TMIGD1: variants seen among roughly 807,000 people sequenced by gnomAD.
TMIGD1 encodes transmembrane and immunoglobulin domain containing 1, also known as transmembrane and immunoglobulin domain-containing protein 1.
Under a neutral mutation model 27.5 loss-of-function variants are expected in TMIGD1, and 29 were observed. The observed-to-expected ratio is 1.05, with a 90% CI of 0.78 to 1.44. The LOEUF is 1.44. Among genes scored for constraint, TMIGD1 ranks in the 40% most tolerant of loss-of-function variants. The probability of loss-of-function intolerance (pLI) is 0.00; values close to 1 mark genes in which losing one functional copy is unlikely to be tolerated. For synonymous variants in TMIGD1, 109 were observed against 110.3 expected (o/e 0.99, Z 0.07); for missense variants, 334 against 310.6 (o/e 1.08, Z -0.57).
chr17:30,319,277 T>G (rs1460747565), intron 4 of TMIGD1, among the ~76,000 whole-genome samples: 1 of 84,232 alleles, frequency 1.2e-5, no homozygotes, highest in South Asian at 3.4e-4. Flanking sequence ...TATATATATA[T>G]AGCTGGGCAT....
chr17:30,329,850 C>T (rs377224690), intron 2 of TMIGD1, among the ~76,000 whole-genome samples: 6 of 151,556 alleles, frequency 4.0e-5, no homozygotes, highest in Non-Finnish European at 8.8e-5. Flanking sequence ...GCGGGAGGAT[C>T]GCTTGAGCTC....
Position 30,329,376 on chromosome 17 carries a change from C to G in TMIGD1, c.236G>C (p.Gly79Ala). Residue 79 changes from glycine (G) to alanine (A), a missense_variant, in exon 3 of 7, where the codon GGA becomes GCA. Physicochemically the swap from Gly to Ala is moderately conservative, Grantham distance 60. Transcript: ENST00000328886. ...GACAGAGCTGGAATTGATTTTGTTT[C>G]CAGATTTCAAATCCACTCTCCCCTC... is the stretch of plus-strand genomic sequence containing the variant. ...REEGRVDLKSGNKINSSSVCV... is the reference protein window; with the variant it reads ...REEGRVDLKSANKINSSSVCV... 1 of 1,614,118 alleles carries G rather than the reference C, an allele frequency of 6.2e-7. No individual in the cohort carries two copies. Among genetic ancestry groups the G allele is most frequent in the South Asian group, 1.1e-5 (1 of 91,068 alleles).
chr17:30,316,567 T>C lies in TMIGD1; in HGVS notation c.*120A>G. The C allele has an allele frequency of 1.0e-6, 1 of 978,984 alleles. No individual in the cohort carries two copies. The highest frequency in any genetic ancestry group is 1.6e-5 in the African/African-American group (1 of 61,246). 60.6% of individuals were successfully genotyped at this position (978,984 alleles called of 1,614,324 possible). On this transcript the variant is annotated 3_prime_UTR_variant, in exon 7 of 7. Transcript: ENST00000328886. ...AGTCCTAACAACTACTGTTAAGTGA[T>C]TAATGAAACAGGAGTGACAGGAGTG... is the stretch of plus-strand genomic sequence containing the variant.
intron 3 of TMIGD1, among the ~76,000 whole-genome samples, chr17:30,327,046 A>ACACACC (rs1491402924): frequency 1.7e-5 from 1 of 58,786 alleles, no homozygotes; most frequent in African/African-American, 1.2e-4. Context: ...AATTAACTAT[A>ACACACC]CACACACACA....
intron 4 of TMIGD1, among the ~76,000 whole-genome samples, chr17:30,320,483 AT>A (rs1909583149): frequency 6.6e-6 from 1 of 152,230 alleles, no homozygotes; most frequent in Non-Finnish European, 1.5e-5. Flanking sequence ...AAATTAATCA[AT>A]GTTTAAGCAT....
At chr17:30,328,894 G>A (rs756695020) in intron 3 of TMIGD1, among the ~76,000 whole-genome samples, 53 of 150,674 alleles carry the variant, frequency 3.5e-4, no homozygotes, top group South Asian at 6.3e-4. Context: ...AACCCGGGAG[G>A]TGGAGGTTGC....
rs1909504665 is a variant in TMIGD1, at chr17:30,318,813, C to T, written c.741G>A (p.Met247Ile). The change falls in exon 5 of 7, where the codon ATG becomes ATA. Residue 247 changes from methionine (M) to isoleucine (I), a missense_variant. Physicochemically the swap from Met to Ile is conservative, Grantham distance 10 (BLOSUM62 1). Coordinates refer to ENST00000328886, the MANE Select transcript of TMIGD1 (RefSeq NM_206832.3). The part of the protein sequence containing the change: ...FGLIARRKKI[M>I]KLCMKDKDPH... ...ATAGCTCAGAATACTTAGATACCTT[C>T]ATTATTTTCTTTCTTCTAGCAATCA... is the stretch of plus-strand genomic sequence containing the variant. 6.2e-7 allele frequency: 1 copy of T among 1,607,414 alleles called. No homozygotes were observed. Among genetic ancestry groups the T allele is most frequent in the Admixed American group, 1.7e-5 (1 of 59,984 alleles).
intron 2 of TMIGD1, among the ~76,000 whole-genome samples, chr17:30,330,449 C>T (rs1251109374): frequency 1.3e-5 from 2 of 151,956 alleles, no homozygotes; most frequent in African/African-American, 4.8e-5. Context: ...AAACTTTAGG[C>T]AAAAAGGCAG....
chr17:30,326,713 T>C (rs1025990077), intron 3 of TMIGD1, among the ~76,000 whole-genome samples: 2 of 152,228 alleles, frequency 1.3e-5, no homozygotes, highest in Non-Finnish European at 2.9e-5. Flanking sequence ...TTTATGATCC[T>C]GTACATGTAT....
In TMIGD1 at chr17:30,322,088, A is replaced by C. The variant is rs150866784; in HGVS notation, c.640+2728T>G. 5.2e-3 allele frequency among the ~76,000 whole-genome samples: 796 copies of C among 152,208 alleles called. 10 individuals are homozygous for C. Among genetic ancestry groups the C allele is most frequent in the African/African-American group, 0.017 (721 of 41,528 alleles). The stretch of plus-strand genomic sequence containing the variant: ...AAGCAACCCTCCCGCTCGGTCTCCC[A>C]AAGTCCTGGGATTACAAGCATGAAC... On this transcript the variant is annotated intron_variant, in intron 4 of 6. Coordinates refer to ENST00000328886, the MANE Select transcript of TMIGD1 (RefSeq NM_206832.3).
Position 30,332,106 on chromosome 17 carries a change from G to A in TMIGD1, c.28C>T (p.Gln10Ter). 1 of 1,613,444 alleles carries A rather than the reference G, an allele frequency of 6.2e-7. No individual in the cohort carries two copies. Among genetic ancestry groups the A allele is most frequent in the Non-Finnish European group, 8.5e-7 (1 of 1,179,664 alleles). ...ACTAAGAGAAGAAATCTTCCCATTT[G>A]CATTATGACACTGCTCTTCCATGCC... MAWKSSVIM[Q>*]MGRFLLLVIL... Residue 10 changes from glutamine to a stop codon, truncating the protein, a stop_gained, in exon 2 of 7, where the codon CAA becomes TAA. Coordinates refer to ENST00000328886, the MANE Select transcript of TMIGD1 (RefSeq NM_206832.3). LOFTEE classifies it high-confidence loss of function.
At chr17:30,327,045 TACACAC>T (rs60346282) in intron 3 of TMIGD1, among the ~76,000 whole-genome samples, 82 of 146,586 alleles carry the variant, frequency 5.6e-4, no homozygotes, top group Admixed American at 1.2e-3. Context: ...CAATTAACTA[TACACAC>T]ACACACACAC....
chr17:30,326,919 TAACA>T (rs1909800102), intron 3 of TMIGD1, among the ~76,000 whole-genome samples: 1 of 152,192 alleles, frequency 6.6e-6, no homozygotes, highest in Admixed American at 6.5e-5. Context: ...CTGCTATTTA[TAACA>T]ATAATGGTCC....
At chr17:30,327,045 TAC>T (rs60346282) in intron 3 of TMIGD1, among the ~76,000 whole-genome samples, 5,538 of 146,158 alleles carry the variant, frequency 0.038, 205 homozygotes, top group African/African-American at 0.097. Flanking sequence ...CAATTAACTA[TAC>T]ACACACACAC....
chr17:30,332,429 C>G (rs1910011493), intron 1 of TMIGD1, among the ~76,000 whole-genome samples: 1 of 152,138 alleles, frequency 6.6e-6, no homozygotes, highest in African/African-American at 2.4e-5. Flanking sequence ...AAGATGAAAC[C>G]AGTCTTCCCT....
intron 3 of TMIGD1, among the ~76,000 whole-genome samples, chr17:30,326,756 G>T (rs2321706): frequency 1.3e-5 from 2 of 151,966 alleles, no homozygotes; most frequent in Non-Finnish European, 2.9e-5. Flanking sequence ...AGGAGAAATG[G>T]TGTGTCGTAA....
intron 2 of TMIGD1, among the ~76,000 whole-genome samples, chr17:30,331,082 C>G (rs1055223062): frequency 6.6e-6 from 1 of 152,116 alleles, no homozygotes; most frequent in Admixed American, 6.6e-5. Flanking sequence ...GTAATCCCAG[C>G]TACTCGGGAG....
At chr17:30,316,762 A>G in intron 6 of TMIGD1, 72 bp from the exon 7 acceptor site, 1 of 1,391,862 alleles carries the variant, frequency 7.2e-7, no homozygotes, top group Non-Finnish European at 1.0e-6. Context: ...CAAAACCCAT[A>G]CTCTCTGACA....
chr17:30,317,914 A>C (rs1647100832), intron 5 of TMIGD1, among the ~76,000 whole-genome samples: 1 of 152,002 alleles, frequency 6.6e-6, no homozygotes, highest in Non-Finnish European at 1.5e-5. Flanking sequence ...CAAAAAATAC[A>C]GAAATTAGCC....
Sources: gnomAD v4.1 joint callset for allele counts (sites outside exome capture counted in the v4.1 genomes callset) on GRCh38, gnomAD v4.1.1 for gene constraint, MANE v1.5 for transcripts, NCBI Gene and HGNC (gene_info 2026-07-23, HGNC 2026-07-21) for gene names.